Variants in IL1RAPL2 observed in about 807,000 individuals in gnomAD.
IL1RAPL2 encodes the protein interleukin 1 receptor accessory protein like 2, also known as X-linked interleukin-1 receptor accessory protein-like 2.
Under a neutral mutation model 44.1 loss-of-function variants are expected in IL1RAPL2, and 3 were observed. That is an observed-to-expected ratio of 0.07 (90% CI 0.03 to 0.18). The LOEUF is 0.18. IL1RAPL2 is among the 10% of genes least tolerant of loss of function. IL1RAPL2 has a pLI of 1.00. For missense variants in IL1RAPL2, 391 were observed against 496.4 expected, an observed-to-expected ratio of 0.79 and a Z score of 2.02; for synonymous variants, 181 against 178.8, an observed-to-expected ratio of 1.01 and a Z score of -0.10.
At chrX:104,916,860 C>G (rs1195348578) in intron 2 of IL1RAPL2, among the ~76,000 whole-genome samples, 4 of 111,345 alleles carry the variant, frequency 3.6e-5, no homozygotes, top group African/African-American at 1.3e-4. Flanking sequence ...TGTTTATATG[C>G]TGGATTACAT....
chrX:104,770,383 T>G (rs1411649379), intron 2 of IL1RAPL2, among the ~76,000 whole-genome samples: 1 of 111,539 alleles, frequency 9.0e-6, no homozygotes, highest in Non-Finnish European at 1.9e-5. Flanking sequence ...ATGTTCTAGT[T>G]TGCAACATAA....
intron 2 of IL1RAPL2, among the ~76,000 whole-genome samples, chrX:104,758,665 G>T (rs1932378757): frequency 8.9e-6 from 1 of 112,009 alleles, no homozygotes; most frequent in African/African-American, 3.2e-5. Flanking sequence ...TTAGCACTTT[G>T]TTAAAAGTGT....
chrX:104,687,872 T>C (rs1237631310), intron 2 of IL1RAPL2, among the ~76,000 whole-genome samples: 2 of 111,686 alleles, frequency 1.8e-5, no homozygotes, highest in Middle Eastern at 4.2e-3. Flanking sequence ...ATTTTCCTGC[T>C]TCCATTCTTA....
intron 5 of IL1RAPL2, among the ~76,000 whole-genome samples, chrX:105,342,692 G>A (rs760757073): frequency 1.9e-4 from 21 of 112,215 alleles, no homozygotes; most frequent in Admixed American, 6.6e-4. Context: ...AAAACAGACA[G>A]GATGTAAATT....
rs761801725 is a variant in IL1RAPL2 at position 105,356,011 on chromosome X, A to T, written c.697+88470A>T. 2.6e-4 allele frequency among the ~76,000 whole-genome samples: 29 copies of T among 111,485 alleles called. 1 individual carries two copies. The highest frequency in any genetic ancestry group is 2.9e-4 in the Admixed American group (3 of 10,399). On this transcript the variant is annotated intron_variant, in intron 5 of 10. Transcript: ENST00000372582. ...CCCACCACCGTAAAATACCTGCTTT[A>T]AATTGGGAAATACTCTATGGTTTCA... is the stretch of plus-strand genomic sequence containing the variant.
chrX:105,630,986 G>A (rs1602495595), intron 6 of IL1RAPL2, among the ~76,000 whole-genome samples: 1 of 110,996 alleles, frequency 9.0e-6, no homozygotes, highest in South Asian at 3.8e-4. Context: ...AATAACTTGA[G>A]GCTATTTTAC....
At chrX:104,567,190 A>T (rs747257391) in intron 1 of IL1RAPL2, 139 bp downstream of exon 1, 1 of 112,714 alleles carries the variant, frequency 8.9e-6, no homozygotes, top group Non-Finnish European at 1.9e-5. Flanking sequence ...GCGCCTGGAA[A>T]TTTGCCAGTT....
chrX:104,765,445 G>A (rs964466270), intron 2 of IL1RAPL2, among the ~76,000 whole-genome samples: 4 of 111,796 alleles, frequency 3.6e-5, no homozygotes, highest in Non-Finnish European at 7.5e-5. Context: ...TTTCTAAAAT[G>A]TTCCACTTTG....
At chrX:104,971,418 T>C (rs753245008) in intron 2 of IL1RAPL2, among the ~76,000 whole-genome samples, 1 of 111,695 alleles carries the variant, frequency 9.0e-6, no homozygotes, top group South Asian at 3.8e-4. Context: ...AAAGTACTTT[T>C]GTTAGTCAAC....
chrX:104,720,753 C>T (rs1189998188), intron 2 of IL1RAPL2, among the ~76,000 whole-genome samples: 1 of 111,389 alleles, frequency 9.0e-6, no homozygotes, highest in Non-Finnish European at 1.9e-5. Flanking sequence ...TTTTCTTCTT[C>T]TAAATATCTA....
chrX:105,647,873 A>G (rs2037617477), intron 6 of IL1RAPL2, among the ~76,000 whole-genome samples: 1 of 111,488 alleles, frequency 9.0e-6, no homozygotes, highest in Non-Finnish European at 1.9e-5. Context: ...TGATCTTGCC[A>G]TGACATCTGC....
At chrX:105,735,707 CTG>C (rs1422925997) in intron 7 of IL1RAPL2, among the ~76,000 whole-genome samples, 1 of 111,482 alleles carries the variant, frequency 9.0e-6, no homozygotes, top group Non-Finnish European at 1.9e-5. Flanking sequence ...TTTTCTGCAA[CTG>C]TGTACATCGT....
chrX:105,234,570 A>T (rs190114244), intron 4 of IL1RAPL2, among the ~76,000 whole-genome samples: 399 of 111,434 alleles, frequency 3.6e-3, no homozygotes, highest in Middle Eastern at 0.019. Context: ...GCATTTTGGG[A>T]GGCTGAGGCG....
chrX:105,043,390 T>A (rs1388739445), intron 2 of IL1RAPL2, among the ~76,000 whole-genome samples: 2 of 109,353 alleles, frequency 1.8e-5, no homozygotes, highest in East Asian at 5.8e-4. Context: ...ATACTATTGT[T>A]CTTCAACACA....
chrX:104,771,300 C>T (rs752198461), intron 2 of IL1RAPL2, among the ~76,000 whole-genome samples: 8 of 112,243 alleles, frequency 7.1e-5, no homozygotes, highest in Non-Finnish European at 1.5e-4. Flanking sequence ...GGCAGAAGCC[C>T]AGTAGGGGGT....
chrX:104,811,300 T>TG (rs755103230), intron 2 of IL1RAPL2, among the ~76,000 whole-genome samples: 6 of 111,286 alleles, frequency 5.4e-5, no homozygotes, highest in East Asian at 2.9e-4. Flanking sequence ...ATAAAGACAG[T>TG]GAAAAAAAAG....
At chrX:105,552,926 T>C (rs1261703330) in intron 6 of IL1RAPL2, among the ~76,000 whole-genome samples, 1 of 112,583 alleles carries the variant, frequency 8.9e-6, no homozygotes, top group Non-Finnish European at 1.9e-5. Context: ...TTAAGTATTC[T>C]TTATACTCTA....
chrX:105,402,069 G>A (rs909499233), intron 5 of IL1RAPL2, among the ~76,000 whole-genome samples: 7 of 110,435 alleles, frequency 6.3e-5, no homozygotes, highest in South Asian at 3.9e-4. Flanking sequence ...TTACATCAGG[G>A]GATGTTTCCT....
intron 5 of IL1RAPL2, among the ~76,000 whole-genome samples, chrX:105,323,491 A>T (rs2034911654): frequency 9.0e-6 from 1 of 111,667 alleles, no homozygotes; most frequent in Non-Finnish European, 1.9e-5. Flanking sequence ...GAATATAATT[A>T]AATTTTGGAC....
Sources: gnomAD v4.1 joint callset for allele counts (sites outside exome capture counted in the v4.1 genomes callset) on GRCh38, gnomAD v4.1.1 for gene constraint, MANE v1.5 for transcripts, NCBI Gene and HGNC (gene_info 2026-07-23, HGNC 2026-07-21) for gene names.